The following ZBTB7C variants were observed in gnomAD, a reference collection of about 807,000 sequenced individuals.
ZBTB7C encodes the protein zinc finger and BTB domain containing 7C.
In ZBTB7C, 8 loss-of-function variants were observed where a neutral mutation model predicts 25.7. That is an observed-to-expected ratio of 0.31 (90% CI 0.18 to 0.56). The LOEUF (loss-of-function observed/expected upper bound fraction) is 0.56, where lower values mean the gene tolerates loss of function less well. Among genes scored for constraint, ZBTB7C ranks in the 20% least tolerant of loss-of-function variants. The pLI is 0.91. For missense variants in ZBTB7C, 824 were observed against 855.2 expected, an observed-to-expected ratio of 0.96 and a Z score of 0.46; for synonymous variants, 394 against 369.0, an observed-to-expected ratio of 1.07 and a Z score of -0.78.
chr18:48,076,469 T>A (rs2037768732), intron 3 of ZBTB7C, among the ~76,000 whole-genome samples: 1 of 152,176 alleles, frequency 6.6e-6, no homozygotes, highest in African/African-American at 2.4e-5. Context: ...CTGGCAGTTC[T>A]ATATCCAGGC....
chr18:48,058,663 G>A (rs961255857), intron 3 of ZBTB7C, among the ~76,000 whole-genome samples: 7 of 152,184 alleles, frequency 4.6e-5, no homozygotes, highest in Admixed American at 4.6e-4. Flanking sequence ...TCACCTCGTG[G>A]TATTCATGCC....
rs145752151 is a variant in ZBTB7C at position 48,066,958 on chromosome 18, C to T, written c.-16-25835G>A. Among the ~76,000 whole-genome samples the T allele has an allele frequency of 2.3e-3, 353 of 152,160 alleles. 5 individuals carry two copies. In the East Asian group the frequency reaches 0.035, roughly 15 times the overall value. ...CTCTACTAAAAATACAAAAATTAGC[C>T]GGGCGTGGTGGTGTGTGCCTGTAGT... is the stretch of plus-strand genomic sequence containing the variant. On this transcript the variant is annotated intron_variant, in intron 3 of 4. Coordinates refer to ENST00000590800, the MANE Select transcript of ZBTB7C (RefSeq NM_001318841.2).
intron 2 of ZBTB7C, among the ~76,000 whole-genome samples, chr18:48,207,106 A>G (rs2042593192): frequency 6.6e-6 from 1 of 152,254 alleles, no homozygotes; most frequent in Admixed American, 6.5e-5. Context: ...CAAACACAAT[A>G]TAAAAAGACC....
At chr18:48,307,802 C>T (rs1393886677) in intron 2 of ZBTB7C, among the ~76,000 whole-genome samples, 2 of 152,156 alleles carry the variant, frequency 1.3e-5, no homozygotes, top group African/African-American at 4.8e-5. Flanking sequence ...GAGCTGAGAT[C>T]ACGCCACAGC....
intron 2 of ZBTB7C, among the ~76,000 whole-genome samples, chr18:48,238,485 T>G (rs1481581402): frequency 6.6e-6 from 1 of 152,224 alleles, no homozygotes; most frequent in South Asian, 2.1e-4. Context: ...AGGGAAAGTC[T>G]GCCTCTGAAC....
At chr18:48,236,322 C>G (rs140563530) in intron 2 of ZBTB7C, among the ~76,000 whole-genome samples, 4 of 152,276 alleles carry the variant, frequency 2.6e-5, no homozygotes, top group African/African-American at 9.6e-5. Context: ...CTTCTAGAAG[C>G]CTTTTAAGTT....
At chr18:48,386,066 CCT>C (rs1191275724) in intron 1 of ZBTB7C, among the ~76,000 whole-genome samples, 5 of 152,198 alleles carry the variant, frequency 3.3e-5, no homozygotes, top group African/African-American at 7.2e-5. Flanking sequence ...CCATTCCACC[CCT>C]GTCGAGTGCA....
intron 1 of ZBTB7C, among the ~76,000 whole-genome samples, chr18:48,394,558 T>C (rs2047976224): frequency 6.6e-6 from 1 of 152,196 alleles, no homozygotes; most frequent in Non-Finnish European, 1.5e-5. Flanking sequence ...TATGATATAT[T>C]TTGGAAAGGT....
At chr18:48,311,257 A>G (rs2045812281) in intron 2 of ZBTB7C, among the ~76,000 whole-genome samples, 2 of 152,170 alleles carry the variant, frequency 1.3e-5, no homozygotes, top group Non-Finnish European at 2.9e-5. Flanking sequence ...TTGAGGGCAC[A>G]TGACTTGTCT....
In ZBTB7C at chr18:48,035,996, T is replaced by TA. The variant is rs2035953526; in HGVS notation, c.1208+3903dup. ...CAGGAGGAAAACGGTGTCTTTGAAC[T>TA]AAACCGAGGGAGTGCACAGGCAAAG... On this transcript the variant is annotated intron_variant, in intron 4 of 4. Coordinates refer to ENST00000590800, the MANE Select transcript of ZBTB7C (RefSeq NM_001318841.2). 2.0e-5 allele frequency among the ~76,000 whole-genome samples: 3 copies of TA among 152,332 alleles called. No homozygotes were observed. In the East Asian group the frequency reaches 5.8e-4, roughly 29 times the overall value.
At chr18:48,163,487 G>T (rs2041140512) in intron 3 of ZBTB7C, among the ~76,000 whole-genome samples, 1 of 152,222 alleles carries the variant, frequency 6.6e-6, no homozygotes. Context: ...CCTCTTGGAT[G>T]AAATGGAAAT....
chr18:48,409,105 GC>G (rs1307090304), intron 1 of ZBTB7C, 120 bp downstream of exon 1: 1 of 151,320 alleles, frequency 6.6e-6, no homozygotes, highest in Non-Finnish European at 1.5e-5. Flanking sequence ...TTCCGGCGCA[GC>G]CCAAGCAAAG....
chr18:48,123,756 T>G (rs2039706617), intron 3 of ZBTB7C, among the ~76,000 whole-genome samples: 1 of 152,230 alleles, frequency 6.6e-6, no homozygotes, highest in Non-Finnish European at 1.5e-5. Flanking sequence ...AGTATAAGAA[T>G]GGTGAATATA....
intron 2 of ZBTB7C, among the ~76,000 whole-genome samples, chr18:48,305,371 G>C (rs1345269590): frequency 1.3e-5 from 2 of 152,184 alleles, no homozygotes; most frequent in Non-Finnish European, 2.9e-5. Context: ...AGGTCCCCAG[G>C]ATGGTTCTGC....
chr18:48,210,656 G>A (rs1038951796), intron 2 of ZBTB7C, among the ~76,000 whole-genome samples: 1 of 152,184 alleles, frequency 6.6e-6, no homozygotes, highest in Admixed American at 6.5e-5. Context: ...GTCATGGAGT[G>A]AGGGAAGAGA....
intron 3 of ZBTB7C, among the ~76,000 whole-genome samples, chr18:48,054,786 G>A (rs1418811517): frequency 2.0e-5 from 3 of 152,140 alleles, no homozygotes; most frequent in South Asian, 2.1e-4. Flanking sequence ...AAGCCCAAGC[G>A]TTTCCTTTTC....
intron 2 of ZBTB7C, among the ~76,000 whole-genome samples, chr18:48,298,909 C>A (rs1484517080): frequency 1.3e-5 from 2 of 152,230 alleles, no homozygotes; most frequent in African/African-American, 4.8e-5. Flanking sequence ...TGCATCACAT[C>A]TTTCTTTGTC....
chr18:48,311,494 G>A (rs1408175712), intron 2 of ZBTB7C, among the ~76,000 whole-genome samples: 1 of 152,182 alleles, frequency 6.6e-6, no homozygotes, highest in East Asian at 1.9e-4. Context: ...AACTCGGTAA[G>A]AGGGGGTTGC....
chr18:48,050,207 A>G (rs1568177144), intron 3 of ZBTB7C, among the ~76,000 whole-genome samples: 1 of 152,086 alleles, frequency 6.6e-6, no homozygotes, highest in Non-Finnish European at 1.5e-5. Flanking sequence ...ACCTGGCCCA[A>G]GCAGCTGGCC....
Sources: gnomAD v4.1 joint callset for allele counts (sites outside exome capture counted in the v4.1 genomes callset) on GRCh38, gnomAD v4.1.1 for gene constraint, MANE v1.5 for transcripts, NCBI Gene and HGNC (gene_info 2026-07-23, HGNC 2026-07-21) for gene names.